Variants in HCFC2 observed in about 807,000 individuals in gnomAD.
HCFC2 encodes host cell factor C2.
HCFC2 carries 18 observed loss-of-function variants against 89.2 expected under a neutral mutation model. The ratio of observed to expected loss-of-function variants is 0.20; its 90% CI spans 0.14 to 0.30. The LOEUF is 0.30. HCFC2 is among the 10% of genes least tolerant of loss of function. The pLI is 1.00. For missense variants in HCFC2, 578 were observed against 956.1 expected (o/e 0.60, Z 5.21); for synonymous variants, 308 against 335.7 (o/e 0.92, Z 0.90).
At chr12:104,067,471 C>G (rs1420852381) in intron 2 of HCFC2, among the ~76,000 whole-genome samples, 1 of 152,176 alleles carries the variant, frequency 6.6e-6, no homozygotes. Context: ...TATTTACAAG[C>G]AACTCATTGC....
chr12:104,074,465 G>C (rs983471697), intron 3 of HCFC2, among the ~76,000 whole-genome samples: 1 of 152,138 alleles, frequency 6.6e-6, no homozygotes, highest in Non-Finnish European at 1.5e-5. Flanking sequence ...TGGCCAAAAT[G>C]TTCTTAAATT....
intron 4 of HCFC2, 136 bp downstream of exon 4, chr12:104,079,789 T>C: frequency 3.1e-6 from 2 of 653,752 alleles, no homozygotes. Context: ...AGTGTATGTG[T>C]GATATGAATG....
In HCFC2 at chr12:104,068,696, T is replaced by C. The variant is rs977807716; in HGVS notation, c.473+589T>C. Reference sequence around the variant, plus strand: ...TATGTTGAGTTCCAATAAGCCTTTATGAAGCAGCTCATAGGCAGGTTTGGT... The same window carrying C: ...TATGTTGAGTTCCAATAAGCCTTTACGAAGCAGCTCATAGGCAGGTTTGGT... On this transcript the variant is annotated intron_variant, in intron 3 of 14. Coordinates refer to ENST00000229330, the MANE Select transcript of HCFC2 (RefSeq NM_013320.3). The surrounding 1 kb of genome is among the most constrained non-coding windows in gnomAD (Gnocchi z 4.1). Among the ~76,000 whole-genome samples the C allele has an allele frequency of 6.6e-6, 1 of 152,200 alleles. No individual in the cohort carries two copies. Among genetic ancestry groups the C allele is most frequent in the Admixed American group, 6.5e-5 (1 of 15,272 alleles).
In HCFC2 at chr12:104,095,440, A is replaced by C; in HGVS notation, c.1543A>C (p.Ser515Arg). The C allele has an allele frequency of 6.2e-7, 1 of 1,613,772 alleles. No homozygotes were observed. The highest frequency in any genetic ancestry group is 8.5e-7 in the Non-Finnish European group (1 of 1,179,748). ...AGTAATTCCTGAAACATCTGTATCC[A>C]GTACTGTTTCCAGCACACAAACTAT... ...RTVIPETSVS[S>R]TVSSTQTMVT... The change falls in exon 11 of 15, where the codon AGT (serine) becomes CGT (arginine). Residue 515 changes from serine to arginine, a missense_variant. Transcript: ENST00000229330. This position sits in a 1 kb window ranked among gnomAD's most constrained non-coding sequence, Gnocchi z 4.2.
chr12:104,065,008 C>T (rs1883031940), intron 1 of HCFC2: 3 of 336,022 alleles, frequency 8.9e-6, no homozygotes, highest in Non-Finnish European at 1.6e-5. Context: ...CAGGCGGACG[C>T]AGGCGACAGA....
At position 104,098,367 on chromosome 12, in the gene HCFC2, G is replaced by A. The variant is rs769324391; in HGVS notation, c.1765G>A (p.Ala589Thr). The change falls in exon 13 of 15, where the codon GCC (alanine) becomes ACC (threonine). Residue 589 changes from alanine to threonine, a missense_variant. By Grantham distance (58) the Ala-to-Thr change is moderately conservative (BLOSUM62 0). This residue lies in a region of HCFC2 where 140 missense variants were observed against 266.4 expected (regional missense o/e 0.53). Transcript: ENST00000229330. Reference sequence around the variant, plus strand: ...GAAAGAGACTCCTTCAAATCCAGTGGCCACAGTGAAAGCGGGAGAACGACA... The same window carrying A: ...GAAAGAGACTCCTTCAAATCCAGTGACCACAGTGAAAGCGGGAGAACGACA... ...FSKETPSNPV[A>T]TVKAGERQWC... 1.2e-6 allele frequency: 2 copies of A among 1,607,488 alleles called. No homozygotes were observed. Among genetic ancestry groups the A allele is most frequent in the African/African-American group, 1.3e-5 (1 of 74,400 alleles).
chr12:104,065,295 T>A (rs1035264353), intron 1 of HCFC2: 4 of 152,368 alleles, frequency 2.6e-5, no homozygotes, highest in African/African-American at 7.2e-5. Flanking sequence ...TGTGTCTGCA[T>A]ACTCGGTGTG....
At chr12:104,087,491 A>G in intron 8 of HCFC2, among the ~76,000 whole-genome samples, 1 of 147,762 alleles carries the variant, frequency 6.8e-6, no homozygotes, top group African/African-American at 2.5e-5. Context: ...ATATGTATAT[A>G]TATATACACA....
Position 104,064,635 on chromosome 12 carries a change from A to T in HCFC2, c.75A>T (p.Gly25=), listed in dbSNP as rs774982958. 1 of 1,581,048 alleles carries T rather than the reference A, an allele frequency of 6.3e-7. No individual in the cohort carries two copies. Among genetic ancestry groups the T allele is most frequent in the Admixed American group, 1.8e-5 (1 of 55,860 alleles). ...FTGPVPRARH[G]HRAVAIRELM... ...GGCCGGTCCCCCGCGCCCGGCACGG[A>T]CACCGAGCGGTGGCCATCCGGGAGC... The change falls in exon 1 of 15, where the codon GGA becomes GGT. Residue 25 remains glycine (G), a synonymous_variant. Transcript: ENST00000229330. This position sits in a 1 kb window ranked among gnomAD's most constrained non-coding sequence, Gnocchi z 7.3.
At chr12:104,096,461 T>A in intron 12 of HCFC2, 28 bp downstream of exon 12, 1 of 1,468,786 alleles carries the variant, frequency 6.8e-7, no homozygotes, top group Non-Finnish European at 9.5e-7. Context: ...TGATGATGCA[T>A]GTTTACACAT....
At chr12:104,093,363 G>T (rs1024280476) in intron 9 of HCFC2, 23 bp from the exon 10 acceptor site, 1 of 1,555,826 alleles carries the variant, frequency 6.4e-7, no homozygotes, top group African/African-American at 1.4e-5. Context: ...GCTTACTACA[G>T]TAATCTGTTA....
chr12:104,085,839 C>T (rs933635200), intron 7 of HCFC2, among the ~76,000 whole-genome samples: 2 of 151,914 alleles, frequency 1.3e-5, no homozygotes, highest in East Asian at 1.9e-4. Context: ...GCTTTACAAG[C>T]ATTTATTTGT....
chr12:104,073,822 G>A (rs1004999962), intron 3 of HCFC2, among the ~76,000 whole-genome samples: 4 of 152,084 alleles, frequency 2.6e-5, no homozygotes, highest in Non-Finnish European at 4.4e-5. Flanking sequence ...TCTATACCAG[G>A]GGTTGCAAAC....
Position 104,064,839 on chromosome 12 carries a change from C to T in HCFC2, c.163+116C>T. 3 of 979,816 alleles carry T rather than the reference C, an allele frequency of 3.1e-6. No individual in the cohort carries two copies. The highest frequency in any genetic ancestry group is 4.2e-6 in the Non-Finnish European group (3 of 722,440). 60.7% of individuals were successfully genotyped at this position (979,816 alleles called of 1,614,324 possible). A position where few individuals can be genotyped will look rare whatever the true frequency, so the allele number is the denominator to read the frequency against. Reference sequence around the variant, plus strand: ...ACCGCCCGGTCACTGCTTCCTTGGGCGGGCGGCGGGGAGCGCGGCTCAGCC... The same window carrying T: ...ACCGCCCGGTCACTGCTTCCTTGGGTGGGCGGCGGGGAGCGCGGCTCAGCC... On this transcript the variant is annotated intron_variant, in intron 1 of 14. Transcript: ENST00000229330. The surrounding 1 kb of genome is among the most constrained non-coding windows in gnomAD (Gnocchi z 7.3).
chr12:104,068,105 C>T lies in HCFC2; in HGVS notation c.471C>T (p.Pro157=), dbSNP rs1334172835. The part of the protein sequence containing the change: ...NESEDSNNNV[P]RYLNDFYELE... The stretch of plus-strand genomic sequence containing the variant: ...GCGAAGATTCAAACAATAATGTTCC[C>T]AGGTATGCTGACTCTTTCAGACCAA... Residue 157 remains proline (P), a splice_region_variant and synonymous_variant, in exon 3 of 15, where the codon CCC becomes CCT. Coordinates refer to ENST00000229330, the MANE Select transcript of HCFC2 (RefSeq NM_013320.3). This position sits in a 1 kb window ranked among gnomAD's most constrained non-coding sequence, Gnocchi z 4.1. 1.9e-6 allele frequency: 3 copies of T among 1,587,412 alleles called. No homozygotes were observed. The highest frequency in any genetic ancestry group is 1.9e-5 in the Admixed American group (1 of 54,036).
In HCFC2 at chr12:104,095,285, T is replaced by C. The variant is rs1463032881; in HGVS notation, c.1463-75T>C. The C allele has an allele frequency of 2.0e-5, 23 of 1,136,798 alleles. No individual in the cohort carries two copies. Among genetic ancestry groups the C allele is most frequent in the Non-Finnish European group, 3.9e-6 (3 of 774,414 alleles). 70.4% of individuals were successfully genotyped at this position (1,136,798 alleles called of 1,614,324 possible). ...TTAAAACTGAAAGTACCAAGAATCA[T>C]ATGACAAGAACGATAAGACACAACA... On this transcript the variant is annotated intron_variant, in intron 10 of 14. Coordinates refer to ENST00000229330, the MANE Select transcript of HCFC2 (RefSeq NM_013320.3). The surrounding 1 kb of genome is among the most constrained non-coding windows in gnomAD (Gnocchi z 4.2).
intron 9 of HCFC2, among the ~76,000 whole-genome samples, chr12:104,089,465 G>A (rs1445231612): frequency 1.3e-4 from 20 of 152,122 alleles, no homozygotes; most frequent in Admixed American, 9.2e-4. Flanking sequence ...GTAGTGAGCC[G>A]AGATTGTGCC....
intron 8 of HCFC2, among the ~76,000 whole-genome samples, chr12:104,087,460 TATATAC>T (rs1566232392): frequency 2.0e-4 from 1 of 5,082 alleles, no homozygotes; most frequent in Admixed American, 3.1e-3. Flanking sequence ...TGTGTATATA[TATATAC>T]ATATATATAT....
intron 3 of HCFC2, among the ~76,000 whole-genome samples, chr12:104,077,306 G>A (rs1285480879): frequency 1.3e-5 from 2 of 151,530 alleles, no homozygotes; most frequent in East Asian, 1.9e-4. Context: ...GCAGCCATGC[G>A]ATCTCGGCTC....
Sources: gnomAD v4.1 joint callset for allele counts (sites outside exome capture counted in the v4.1 genomes callset) on GRCh38, gnomAD v4.1.1 for gene constraint, gnomAD v4.1.1 regional missense constraint, Gnocchi (gnomAD v3.1) non-coding constraint, MANE v1.5 for transcripts, NCBI Gene and HGNC (gene_info 2026-07-23, HGNC 2026-07-21) for gene names.